Variants in GRM7 observed in about 807,000 individuals in gnomAD.
GRM7 encodes glutamate metabotropic receptor 7, also known as metabotropic glutamate receptor 7.
Under a neutral mutation model 84.5 loss-of-function variants are expected in GRM7, and 35 were observed. The observed-to-expected ratio is 0.41, with a 90% CI of 0.32 to 0.55. GRM7 has a LOEUF of 0.55. GRM7 is among the 20% of genes least tolerant of loss of function. The probability of loss-of-function intolerance (pLI) is 0.19; values close to 1 mark genes in which losing one functional copy is unlikely to be tolerated. For synonymous variants in GRM7, 487 were observed against 455.1 expected (o/e 1.07, Z -0.89); for missense variants, 1,003 against 1,194.6 (o/e 0.84, Z 2.36).
intron 2 of GRM7, among the ~76,000 whole-genome samples, chr3:7,181,630 G>T (rs1695339685): frequency 6.6e-6 from 1 of 151,796 alleles, no homozygotes; most frequent in African/African-American, 2.4e-5. Context: ...TATTTTTGAG[G>T]CAGAGTCTTG....
chr3:7,375,145 A>T (rs1694292167), intron 4 of GRM7, among the ~76,000 whole-genome samples: 1 of 151,926 alleles, frequency 6.6e-6, no homozygotes, highest in Admixed American at 6.6e-5. Context: ...ATCACTAAAC[A>T]ATCAAGTCCA....
At chr3:6,998,734 G>A (rs1694912752) in intron 1 of GRM7, among the ~76,000 whole-genome samples, 1 of 152,230 alleles carries the variant, frequency 6.6e-6, no homozygotes, top group Admixed American at 6.5e-5. Context: ...AAGCTGCCAA[G>A]GCTTGTGGCT....
chr3:6,981,353 G>T (rs1056081525), intron 1 of GRM7, among the ~76,000 whole-genome samples: 1 of 152,068 alleles, frequency 6.6e-6, no homozygotes, highest in Non-Finnish European at 1.5e-5. Flanking sequence ...GATGTTTTTT[G>T]CCAGCAGTTG....
chr3:7,671,422 A>G (rs2125132559), intron 8 of GRM7, among the ~76,000 whole-genome samples: 1 of 152,240 alleles, frequency 6.6e-6, no homozygotes, highest in South Asian at 2.1e-4. Flanking sequence ...AGGTGATTCC[A>G]AGCATGAACA....
At chr3:7,495,623 T>G (rs577150319) in intron 7 of GRM7, among the ~76,000 whole-genome samples, 9 of 152,122 alleles carry the variant, frequency 5.9e-5, no homozygotes, top group Non-Finnish European at 1.0e-4. Context: ...GGAAAAAAAG[T>G]CCCTCTCCCG....
chr3:7,053,417 G>C (rs923435207), intron 1 of GRM7, among the ~76,000 whole-genome samples: 1 of 151,404 alleles, frequency 6.6e-6, no homozygotes, highest in East Asian at 1.9e-4. Flanking sequence ...ATTTATCCCT[G>C]TTTCTGTCTT....
chr3:7,529,430 A>C (rs1354851509), intron 7 of GRM7, among the ~76,000 whole-genome samples: 5 of 152,140 alleles, frequency 3.3e-5, no homozygotes, highest in Non-Finnish European at 5.9e-5. Flanking sequence ...GGGATTTGGC[A>C]TAGCAAGGAG....
chr3:7,053,350 T>C (rs1253010771), intron 1 of GRM7, among the ~76,000 whole-genome samples: 1 of 151,474 alleles, frequency 6.6e-6, no homozygotes, highest in Non-Finnish European at 1.5e-5. Flanking sequence ...AGCTGTTATT[T>C]TCAGTTTTTC....
rs879482721 is a variant in GRM7, at chr3:7,232,250, TA to T, written c.737-66421del. 7.4e-3 allele frequency among the ~76,000 whole-genome samples: 1,048 copies of T among 142,338 alleles called. 3 individuals are homozygous for T. Among genetic ancestry groups the T allele is most frequent in the African/African-American group, 0.018 (687 of 39,152 alleles). The allele number at this position is 142,338 out of a possible 152,430, so 93.4% of individuals were successfully genotyped here. A position where few individuals can be genotyped will look rare whatever the true frequency, so the allele number is the denominator to read the frequency against. ...CATTTTTTTGCTCACTCAGATCTTG[TA>T]AAAAAAAAAAAAGTTGAATTCACTC... is the stretch of plus-strand genomic sequence containing the variant. On this transcript the variant is annotated intron_variant, in intron 2 of 9. Transcript: ENST00000357716.
intron 1 of GRM7, among the ~76,000 whole-genome samples, chr3:7,080,659 T>C (rs1414455479): frequency 1.3e-5 from 2 of 150,102 alleles, no homozygotes; most frequent in Non-Finnish European, 3.0e-5. Flanking sequence ...TATGCATATA[T>C]ATAAACACGC....
At chr3:7,698,802 CG>C (rs1559494876) in intron 9 of GRM7, among the ~76,000 whole-genome samples, 1 of 152,160 alleles carries the variant, frequency 6.6e-6, no homozygotes, top group African/African-American at 2.4e-5. Context: ...TAAGTACCCC[CG>C]GGCTACTACA....
intron 1 of GRM7, among the ~76,000 whole-genome samples, chr3:7,145,264 G>A (rs886795188): frequency 6.6e-6 from 1 of 151,972 alleles, no homozygotes; most frequent in Non-Finnish European, 1.5e-5. Flanking sequence ...ATAAGACCTG[G>A]GAGAGTTTGT....
At chr3:7,230,453 T>C (rs182771174) in intron 2 of GRM7, among the ~76,000 whole-genome samples, 1 of 152,312 alleles carries the variant, frequency 6.6e-6, no homozygotes, top group East Asian at 1.9e-4. Context: ...ATTCTCATCA[T>C]CTGATTAGGA....
chr3:7,602,565 G>T (rs1364803561), intron 8 of GRM7, among the ~76,000 whole-genome samples: 2 of 152,118 alleles, frequency 1.3e-5, no homozygotes, highest in African/African-American at 4.8e-5. Flanking sequence ...TCTCCCCTGT[G>T]CCCAGGCTTT....
At chr3:7,734,878 T>C (rs1407800140) in intron 9 of GRM7, among the ~76,000 whole-genome samples, 1 of 152,164 alleles carries the variant, frequency 6.6e-6, no homozygotes, top group Non-Finnish European at 1.5e-5. Flanking sequence ...TAAAATGAAT[T>C]GCTTCTTCTT....
In GRM7 at chr3:7,566,468, A is replaced by T. The variant is rs559999495; in HGVS notation, c.1516-11954A>T. Among the ~76,000 whole-genome samples the T allele has an allele frequency of 6.6e-5, 10 of 152,314 alleles. No individual in the cohort carries two copies. In the South Asian group the frequency reaches 1.2e-3, roughly 19 times the overall value. On this transcript the variant is annotated intron_variant, in intron 7 of 9. Coordinates refer to ENST00000357716, the MANE Select transcript of GRM7 (RefSeq NM_000844.4). ...ATTCTTAAATTCAGGCTTTTAAAAA[A>T]GTATTTTCAAATGTATTTGATAATT...
chr3:7,084,238 C>G (rs1262245462), intron 1 of GRM7, among the ~76,000 whole-genome samples: 1 of 152,058 alleles, frequency 6.6e-6, no homozygotes, highest in Non-Finnish European at 1.5e-5. Flanking sequence ...GCAATGGTGA[C>G]TTAGTACAGG....
Position 7,229,735 on chromosome 3 carries a change from AT to A in GRM7, c.737-68948del, listed in dbSNP as rs1559514510. 1.7e-4 allele frequency among the ~76,000 whole-genome samples: 4 copies of A among 23,622 alleles called. 1 individual carries two copies. The highest frequency in any genetic ancestry group is 3.5e-4 in the Non-Finnish European group (4 of 11,524). The allele number at this position is 23,622 out of a possible 152,430, so 15.5% of individuals were successfully genotyped here. A position where few individuals can be genotyped will look rare whatever the true frequency, so the allele number is the denominator to read the frequency against. Reference sequence around the variant, plus strand: ...TCTCCATAGACACACACATATATATATATATATATATATATATATATATATT... The same window carrying A: ...TCTCCATAGACACACACATATATATAATATATATATATATATATATATATT... On this transcript the variant is annotated intron_variant, in intron 2 of 9. Coordinates refer to ENST00000357716, the MANE Select transcript of GRM7 (RefSeq NM_000844.4).
intron 8 of GRM7, among the ~76,000 whole-genome samples, chr3:7,669,916 A>G (rs1699852305): frequency 6.8e-6 from 1 of 147,036 alleles, no homozygotes; most frequent in Non-Finnish European, 1.5e-5. Context: ...ACTTTTGTCA[A>G]CAGTGCAACA....
Sources: gnomAD v4.1 joint callset for allele counts (sites outside exome capture counted in the v4.1 genomes callset) on GRCh38, gnomAD v4.1.1 for gene constraint, MANE v1.5 for transcripts, NCBI Gene and HGNC (gene_info 2026-07-23, HGNC 2026-07-21) for gene names.